The following TPST1 variants were observed in gnomAD, a reference collection of about 807,000 sequenced individuals.
TPST1 encodes tyrosylprotein sulfotransferase 1, also known as protein-tyrosine sulfotransferase 1.
In TPST1, 20 loss-of-function variants were observed where a neutral mutation model predicts 34.8. The ratio of observed to expected loss-of-function variants is 0.57; its 90% confidence interval spans 0.40 to 0.84. The LOEUF is 0.84. TPST1 is among the 40% of genes least tolerant of loss of function. The pLI is 0.00. For missense variants in TPST1, 353 were observed against 455.5 expected (o/e 0.78, Z 2.05); for synonymous variants, 152 against 159.4 (o/e 0.95, Z 0.35).
intron 3 of TPST1, among the ~76,000 whole-genome samples, chr7:66,323,629 C>G (rs935578365): frequency 1.2e-4 from 19 of 152,290 alleles, no homozygotes; most frequent in African/African-American, 4.6e-4. Flanking sequence ...AGACAACCCA[C>G]AGATGCTATC....
At chr7:66,239,256 C>G (rs966549710) in intron 1 of TPST1, among the ~76,000 whole-genome samples, 1 of 152,192 alleles carries the variant, frequency 6.6e-6, no homozygotes, top group Non-Finnish European at 1.5e-5. Flanking sequence ...GCTGTGATTA[C>G]AGGCGTAAGC....
chr7:66,311,346 C>G (rs1791528436), intron 3 of TPST1, among the ~76,000 whole-genome samples: 1 of 152,010 alleles, frequency 6.6e-6, no homozygotes, highest in Non-Finnish European at 1.5e-5. Context: ...ACCATATTAC[C>G]CAGGCTGGCC....
intron 3 of TPST1, among the ~76,000 whole-genome samples, chr7:66,321,537 C>G (rs1791757960): frequency 6.6e-6 from 1 of 152,204 alleles, no homozygotes; most frequent in African/African-American, 2.4e-5. Context: ...ATAGCCAGTC[C>G]TGAAAACAGG....
At chr7:66,219,531 A>G (rs1454136837) in intron 1 of TPST1, among the ~76,000 whole-genome samples, 2 of 152,230 alleles carry the variant, frequency 1.3e-5, no homozygotes, top group Non-Finnish European at 2.9e-5. Context: ...TTTTATAAGT[A>G]AAGCATAATG....
In TPST1 at chr7:66,328,011, C is replaced by CTTTT. The variant is rs35582736; in HGVS notation, c.1045-24469_1045-24466dup. Among the ~76,000 whole-genome samples the CTTTT allele has an allele frequency of 1.1e-3, 43 of 39,508 alleles. 2 individuals are homozygous for CTTTT. Among genetic ancestry groups the CTTTT allele is most frequent in the Non-Finnish European group, 1.3e-3 (29 of 22,830 alleles). The allele number at this position is 39,508 out of a possible 152,430, so 25.9% of individuals were successfully genotyped here. Reference sequence around the variant, plus strand: ...TTTTCTTTCTTTTTTTTTTCCTTTCCTTTTTTTTTTTTTTTTTTTTTTTTT... The same window carrying CTTTT: ...TTTTCTTTCTTTTTTTTTTCCTTTCCTTTTTTTTTTTTTTTTTTTTTTTTTTTTT... On this transcript the variant is annotated intron_variant, in intron 3 of 5. Transcript: ENST00000304842.
chr7:66,348,230 T>C (rs1792395435), intron 3 of TPST1, among the ~76,000 whole-genome samples: 1 of 152,192 alleles, frequency 6.6e-6, no homozygotes. Flanking sequence ...CATTATCTCT[T>C]CTCTGGATTA....
intron 3 of TPST1, among the ~76,000 whole-genome samples, chr7:66,297,809 G>A (rs1431385393): frequency 1.3e-5 from 2 of 152,162 alleles, no homozygotes; most frequent in East Asian, 3.9e-4. Context: ...GCATACTTGT[G>A]TTTTCTGGTT....
chr7:66,204,671 C>T (rs1412430489), upstream of TPST1, among the ~76,000 whole-genome samples: 1 of 152,236 alleles, frequency 6.6e-6, no homozygotes, highest in East Asian at 1.9e-4. Context: ...TGTGAAATAT[C>T]TGCCCTTTCC....
intron 2 of TPST1, among the ~76,000 whole-genome samples, chr7:66,250,660 A>G (rs1790244091): frequency 6.6e-6 from 1 of 152,212 alleles, no homozygotes; most frequent in Non-Finnish European, 1.5e-5. Flanking sequence ...CGAGCCCTAT[A>G]TATACTATGT....
chr7:66,298,364 A>G (rs1414297139), intron 3 of TPST1, among the ~76,000 whole-genome samples: 1 of 152,206 alleles, frequency 6.6e-6, no homozygotes, highest in African/African-American at 2.4e-5. Flanking sequence ...TTGAAGAAGT[A>G]ACTCTTTTGT....
At chr7:66,304,920 C>G (rs1414020761) in intron 3 of TPST1, among the ~76,000 whole-genome samples, 2 of 151,862 alleles carry the variant, frequency 1.3e-5, no homozygotes, top group African/African-American at 4.8e-5. Context: ...TGGGCCCAAG[C>G]GATCCGCCTG....
chr7:66,332,525 G>A lies in TPST1; in HGVS notation c.1045-19980G>A, dbSNP rs992209382. ...TGACCTCAGGTGATCCACCCGCCTC[G>A]GCCTCCCAAAGTGCTAGGATTACAG... On this transcript the variant is annotated intron_variant, in intron 3 of 5. Transcript: ENST00000304842. The surrounding 1 kb of genome is among the most constrained non-coding windows in gnomAD (Gnocchi z 4.5). Among the ~76,000 whole-genome samples the A allele has an allele frequency of 4.6e-5, 7 of 152,018 alleles. No homozygotes were observed. Among genetic ancestry groups the A allele is most frequent in the African/African-American group, 9.7e-5 (4 of 41,374 alleles).
At chr7:66,348,923 A>C (rs1434058242) in intron 3 of TPST1, among the ~76,000 whole-genome samples, 3 of 151,846 alleles carry the variant, frequency 2.0e-5, no homozygotes, top group African/African-American at 7.3e-5. Context: ...GTAACATCGC[A>C]TACCTAGGTT....
intron 2 of TPST1, among the ~76,000 whole-genome samples, chr7:66,275,296 C>T (rs1790784780): frequency 6.6e-6 from 1 of 152,152 alleles, no homozygotes; most frequent in African/African-American, 2.4e-5. Context: ...CTTGGTACAG[C>T]CGTTATGGAA....
chr7:66,229,274 C>G (rs1258548825), intron 1 of TPST1, among the ~76,000 whole-genome samples: 1 of 152,150 alleles, frequency 6.6e-6, no homozygotes, highest in South Asian at 2.1e-4. Context: ...CCACGCCCAG[C>G]TAATTTTTTG....
intron 2 of TPST1, among the ~76,000 whole-genome samples, chr7:66,265,837 G>A (rs753420795): frequency 5.9e-5 from 9 of 152,178 alleles, no homozygotes; most frequent in Non-Finnish European, 8.8e-5. Context: ...AAGGCAATGG[G>A]TTGATGTACT....
intron 1 of TPST1, among the ~76,000 whole-genome samples, chr7:66,238,017 A>G (rs1186802754): frequency 1.3e-5 from 2 of 152,184 alleles, no homozygotes; most frequent in Non-Finnish European, 2.9e-5. Flanking sequence ...TGTACCTTCT[A>G]ACCTATATGT....
chr7:66,308,107 T>C lies in TPST1; in HGVS notation c.1044+21398T>C, dbSNP rs1232090743. Among the ~76,000 whole-genome samples the C allele has an allele frequency of 1.3e-5, 2 of 152,196 alleles. 1 individual carries two copies. The highest frequency in any genetic ancestry group is 4.1e-4 in the South Asian group (2 of 4,830). Reference sequence around the variant, plus strand: ...TCCTTTGACACAAAATGTGCAGTCATGTACACTGCTTCGAGTGTATGATGA... The same window carrying C: ...TCCTTTGACACAAAATGTGCAGTCACGTACACTGCTTCGAGTGTATGATGA... On this transcript the variant is annotated intron_variant, in intron 3 of 5. Transcript: ENST00000304842.
chr7:66,298,185 G>A (rs1282613733), intron 3 of TPST1, among the ~76,000 whole-genome samples: 1 of 152,110 alleles, frequency 6.6e-6, no homozygotes. Context: ...TATCAGTGAG[G>A]TCAAGAAATT....
Sources: allele counts gnomAD v4.1 joint callset (sites outside exome capture counted in the v4.1 genomes callset), GRCh38; gene constraint gnomAD v4.1.1; non-coding constraint Gnocchi (gnomAD v3.1); transcripts MANE v1.5; gene names NCBI Gene and HGNC (gene_info 2026-07-23, HGNC 2026-07-21).